The following VTI1A variants were observed in gnomAD, a reference collection of about 807,000 sequenced individuals.
The protein encoded by VTI1A is vesicle transport through interaction with t-SNAREs 1A, also known as vesicle transport through interaction with t-SNAREs homolog 1A.
A neutral mutation model predicts 34.9 loss-of-function variants in VTI1A; 22 were observed. The ratio of observed to expected loss-of-function variants is 0.63; its 90% CI spans 0.45 to 0.90. The LOEUF (loss-of-function observed/expected upper bound fraction) is 0.90, where lower values mean the gene tolerates loss of function less well. Among genes scored for constraint, VTI1A ranks in the 40% least tolerant of loss-of-function variants. The pLI is 0.00. For synonymous variants in VTI1A, 87 were observed against 97.3 expected, an observed-to-expected ratio of 0.89 and a Z score of 0.62; for missense variants, 268 against 275.6, an observed-to-expected ratio of 0.97 and a Z score of 0.20.
chr10:112,478,500 A>G (rs1848354383), intron 3 of VTI1A, among the ~76,000 whole-genome samples: 1 of 152,202 alleles, frequency 6.6e-6, no homozygotes, highest in South Asian at 2.1e-4. Flanking sequence ...ATATCCTGAA[A>G]ATGTAAACCC....
intron 7 of VTI1A, among the ~76,000 whole-genome samples, chr10:112,765,192 A>ATGTTTTGTTTTGTTTTGTTT (rs72146474): frequency 2.6e-4 from 40 of 151,778 alleles, no homozygotes; most frequent in African/African-American, 8.7e-4. Flanking sequence ...ACTAGTTTGT[A>ATGTTTTGTTTTGTTTTGTTT]TGTTTTGTTT....
At chr10:112,545,948 A>ACGCG (rs1851068715) in intron 5 of VTI1A, among the ~76,000 whole-genome samples, 1 of 149,478 alleles carries the variant, frequency 6.7e-6, no homozygotes. Context: ...TTGCATGTAT[A>ACGCG]TGTGTGTGTG....
At chr10:112,556,173 C>G (rs556492088) in intron 5 of VTI1A, among the ~76,000 whole-genome samples, 105 of 151,902 alleles carry the variant, frequency 6.9e-4, no homozygotes, top group Non-Finnish European at 1.3e-3. Context: ...ACATTTAAAG[C>G]TTTTAGGTAA....
intron 3 of VTI1A, among the ~76,000 whole-genome samples, chr10:112,504,885 G>T (rs906443039): frequency 1.3e-5 from 2 of 151,870 alleles, no homozygotes; most frequent in East Asian, 1.9e-4. Context: ...GAGCAAGATG[G>T]AATGTCTTTT....
chr10:112,447,300 G>A lies in VTI1A; in HGVS notation c.-74G>A, dbSNP rs1846874327. On this transcript the variant is annotated 5_prime_UTR_variant, in exon 1 of 8. Coordinates refer to ENST00000393077, the MANE Select transcript of VTI1A (RefSeq NM_145206.4). ...GCACCTTCCGGGGTTCCTAAGCCGC[G>A]GGGCCCCTCGCTGCCCCTCGAGGCC... is the stretch of plus-strand genomic sequence containing the variant. 2.0e-6 allele frequency: 3 copies of A among 1,517,534 alleles called. No homozygotes were observed. The East Asian group carries it at 7.3e-5, about 37-fold the overall frequency. 94.0% of individuals were successfully genotyped at this position (1,517,534 alleles called of 1,614,324 possible).
At chr10:112,647,263 C>T (rs1231343710) in intron 5 of VTI1A, among the ~76,000 whole-genome samples, 8 of 152,196 alleles carry the variant, frequency 5.3e-5, no homozygotes, top group Non-Finnish European at 1.0e-4. Flanking sequence ...GGGACCATGA[C>T]GGTTTTCACT....
chr10:112,479,147 C>G (rs1411508950), intron 3 of VTI1A, among the ~76,000 whole-genome samples: 1 of 152,126 alleles, frequency 6.6e-6, no homozygotes, highest in Non-Finnish European at 1.5e-5. Flanking sequence ...AGCCTGGCAA[C>G]AGAGCAAGAC....
chr10:112,802,531 C>A (rs1453640724), intron 7 of VTI1A, among the ~76,000 whole-genome samples: 1 of 152,184 alleles, frequency 6.6e-6, no homozygotes, highest in Non-Finnish European at 1.5e-5. Flanking sequence ...AGAACAGCAC[C>A]TGGCCTGGAG....
chr10:112,736,107 G>GTATATATATA (rs1468293852), intron 7 of VTI1A, among the ~76,000 whole-genome samples: 1,013 of 100,710 alleles, frequency 0.01, 10 homozygotes, highest in East Asian at 0.023. Context: ...ATATATGTGT[G>GTATATATATA]TGTGTATATA....
At chr10:112,618,508 T>TAGAGAGAGAG (rs1360598727) in intron 5 of VTI1A, among the ~76,000 whole-genome samples, 28 of 31,292 alleles carry the variant, frequency 8.9e-4, no homozygotes, top group Non-Finnish European at 1.4e-3. Context: ...TATATATATA[T>TAGAGAGAGAG]ATATATATAT....
chr10:112,795,350 T>C (rs1852636083), intron 7 of VTI1A, among the ~76,000 whole-genome samples: 1 of 152,134 alleles, frequency 6.6e-6, no homozygotes, highest in African/African-American at 2.4e-5. Flanking sequence ...GTGAAGGACT[T>C]AGGATAGTAG....
Position 112,504,966 on chromosome 10 carries a change from T to C in VTI1A, c.265-22121T>C, listed in dbSNP as rs537224207. Among the ~76,000 whole-genome samples the C allele has an allele frequency of 2.0e-5, 3 of 152,282 alleles. No individual in the cohort carries two copies. The East Asian group carries it at 5.8e-4, about 29-fold the overall frequency. On this transcript the variant is annotated intron_variant, in intron 3 of 7. Coordinates refer to ENST00000393077, the MANE Select transcript of VTI1A (RefSeq NM_145206.4). ...TGGGGGGGTGTGTGGGGATTCGTTGTTGATTTCTTTTGTTAAGTTCTATTA... is the reference window on the plus strand; with the variant it reads ...TGGGGGGGTGTGTGGGGATTCGTTGCTGATTTCTTTTGTTAAGTTCTATTA...
chr10:112,568,870 C>G (rs933636987), intron 5 of VTI1A, among the ~76,000 whole-genome samples: 1 of 152,086 alleles, frequency 6.6e-6, no homozygotes, highest in East Asian at 1.9e-4. Flanking sequence ...AAAGGTGAAA[C>G]TCAGCTGGGC....
At chr10:112,765,463 G>A (rs913212635) in intron 7 of VTI1A, among the ~76,000 whole-genome samples, 3 of 152,158 alleles carry the variant, frequency 2.0e-5, no homozygotes, top group Admixed American at 6.5e-5. Flanking sequence ...GCCCACCTCG[G>A]CCTCCCAAAG....
chr10:112,655,713 C>T (rs1731863093), intron 5 of VTI1A, among the ~76,000 whole-genome samples: 1 of 152,074 alleles, frequency 6.6e-6, no homozygotes. Context: ...AGGCCCAGAG[C>T]TAAAGGGGTA....
chr10:112,821,742 C>G (rs1378885798), downstream of VTI1A, among the ~76,000 whole-genome samples: 2 of 152,216 alleles, frequency 1.3e-5, no homozygotes, highest in Non-Finnish European at 2.9e-5. Flanking sequence ...GGGATGGGGA[C>G]TGTTGCAAAA....
chr10:112,673,466 G>GCA (rs201379785), intron 7 of VTI1A, among the ~76,000 whole-genome samples: 24 of 33,960 alleles, frequency 7.1e-4, no homozygotes, highest in Admixed American at 6.0e-3. Flanking sequence ...GCGCGTGCGC[G>GCA]CGCACACACA....
intron 5 of VTI1A, among the ~76,000 whole-genome samples, chr10:112,554,935 A>G (rs1851491128): frequency 6.6e-6 from 1 of 152,188 alleles, no homozygotes; most frequent in African/African-American, 2.4e-5. Context: ...ACATGGTCCC[A>G]ACGTTCATGT....
At chr10:112,642,588 A>G (rs1051063066) in intron 5 of VTI1A, among the ~76,000 whole-genome samples, 1 of 151,974 alleles carries the variant, frequency 6.6e-6, no homozygotes, top group African/African-American at 2.4e-5. Context: ...ATATACGTAT[A>G]CACTCATAGT....
Sources: allele counts gnomAD v4.1 joint callset (sites outside exome capture counted in the v4.1 genomes callset), GRCh38; gene constraint gnomAD v4.1.1; transcripts MANE v1.5; gene names NCBI Gene and HGNC (gene_info 2026-07-23, HGNC 2026-07-21).